The following C6 variants were observed in gnomAD, a reference collection of about 807,000 sequenced individuals.
C6 encodes complement C6.
In C6, 101 loss-of-function variants were observed where a neutral mutation model predicts 112.9. The observed-to-expected ratio is 0.89, with a 90% confidence interval of 0.76 to 1.06. C6 has a LOEUF of 1.06. C6 is among the 50% of genes least tolerant of loss of function. C6 has a pLI of 0.00. For synonymous variants in C6, 431 were observed against 384.1 expected, an observed-to-expected ratio of 1.12 and a Z score of -1.43; for missense variants, 1,202 against 1,104.6, an observed-to-expected ratio of 1.09 and a Z score of -1.25.
At chr5:41,257,380 C>T (rs928342540) in intron 1 of C6, among the ~76,000 whole-genome samples, 10 of 152,064 alleles carry the variant, frequency 6.6e-5, no homozygotes, top group African/African-American at 1.4e-4. Flanking sequence ...CATACCTTTC[C>T]GTGGTATATG....
intron 9 of C6, among the ~76,000 whole-genome samples, chr5:41,166,862 C>T (rs1286364938): frequency 6.6e-6 from 1 of 152,018 alleles, no homozygotes; most frequent in African/African-American, 2.4e-5. Flanking sequence ...TTCAAAATAG[C>T]TATTACATCT....
At chr5:41,158,517 A>G (rs1156855942) in intron 13 of C6, among the ~76,000 whole-genome samples, 157 bp downstream of exon 13, 1 of 152,216 alleles carries the variant, frequency 6.6e-6, no homozygotes, top group Non-Finnish European at 1.5e-5. Flanking sequence ...GAAATTCAAG[A>G]TGGAAGAGTG....
Position 41,149,331 on chromosome 5 carries a change from A to G in C6, c.2533T>C (p.Trp845Arg). ...GSCQDGRQLE[W>R]GLERTRLSSN... ...GAAAGTCTTGTCCTTTCAAGACCCC[A>G]TTCTAACTGGCGGCCGTCTTGGCAG... Residue 845 changes from tryptophan (W) to arginine (R), a missense_variant, in exon 17 of 18, where the codon TGG (tryptophan) becomes CGG (arginine). Coordinates refer to ENST00000337836, the MANE Select transcript of C6 (RefSeq NM_000065.5). 1 of 1,614,102 alleles carries G rather than the reference A, an allele frequency of 6.2e-7. No individual in the cohort carries two copies. Among genetic ancestry groups the G allele is most frequent in the Non-Finnish European group, 8.5e-7 (1 of 1,179,986 alleles).
chr5:41,149,780 G>A (rs563904643), intron 16 of C6, among the ~76,000 whole-genome samples, 155 bp downstream of exon 16: 12 of 152,268 alleles, frequency 7.9e-5, no homozygotes, highest in Middle Eastern at 3.4e-3. Context: ...TACCCAATGG[G>A]GAAGGAGGAA....
At chr5:41,221,994 A>T (rs1283824799) in intron 1 of C6, among the ~76,000 whole-genome samples, 1 of 151,868 alleles carries the variant, frequency 6.6e-6, no homozygotes, top group Non-Finnish European at 1.5e-5. Flanking sequence ...GTGAAACCCT[A>T]TCTCTACTAA....
At chr5:41,208,359 AT>A (rs1293939833) in intron 1 of C6, among the ~76,000 whole-genome samples, 1 of 152,228 alleles carries the variant, frequency 6.6e-6, no homozygotes, top group Middle Eastern at 3.2e-3. Context: ...AAGGCAAGAA[AT>A]AACTAAGATC....
At chr5:41,154,949 A>G in intron 14 of C6, 23 bp downstream of exon 14, 2 of 1,613,134 alleles carry the variant, frequency 1.2e-6, no homozygotes, top group Non-Finnish European at 1.7e-6. Flanking sequence ...GTAGTCAAGC[A>G]AAATTGTTTG....
intron 5 of C6, among the ~76,000 whole-genome samples, chr5:41,191,282 G>C (rs1170927679): frequency 6.6e-6 from 1 of 151,940 alleles, no homozygotes; most frequent in African/African-American, 2.4e-5. Flanking sequence ...GGCCAGACTT[G>C]TCTTGAACTC....
At chr5:41,241,826 T>C (rs1314948668) in intron 1 of C6, among the ~76,000 whole-genome samples, 1 of 152,192 alleles carries the variant, frequency 6.6e-6, no homozygotes, top group Non-Finnish European at 1.5e-5. Flanking sequence ...GGATGCTTAG[T>C]ACTTAGGTAG....
At position 41,160,363 on chromosome 5, in the gene C6, G is replaced by A. The variant is rs1747367892; in HGVS notation, c.1463C>T (p.Ala488Val). Residue 488 changes from alanine to valine, a missense_variant, in exon 11 of 18, where the codon GCC (alanine) becomes GTC (valine). Transcript: ENST00000337836. ...ENPAVIDFEL[A>V]PIVDLVRNIP... ...GTTTCTTACCAAGTCCACGATGGGG[G>A]CAAGCTAGGAGAAAATGGGAGAGAG... 6.2e-7 allele frequency: 1 copy of A among 1,613,112 alleles called. No homozygotes were observed. The highest frequency in any genetic ancestry group is 8.5e-7 in the Non-Finnish European group (1 of 1,179,204).
rs184641525 is a variant in C6 at position 41,150,039 on chromosome 5, A to G, written c.2291-14T>C. The G allele has an allele frequency of 3.9e-6, 6 of 1,539,016 alleles. No individual in the cohort carries two copies. Among genetic ancestry groups the G allele is most frequent in the African/African-American group, 2.7e-5 (2 of 73,576 alleles). The stretch of plus-strand genomic sequence containing the variant: ...TTGTTAGAGTATCTGAAACAAAAGA[A>G]AAAAGGAGAAAAGAACAGTGCACAG... On this transcript the variant is annotated splice_polypyrimidine_tract_variant and intron_variant, in intron 15 of 17. Transcript: ENST00000337836.
At chr5:41,218,749 A>AGTATTTCT (rs1738983229) in intron 1 of C6, among the ~76,000 whole-genome samples, 1 of 152,162 alleles carries the variant, frequency 6.6e-6, no homozygotes, top group African/African-American at 2.4e-5. Flanking sequence ...ATACTATTTA[A>AGTATTTCT]ACACAGTGTG....
intron 8 of C6, among the ~76,000 whole-genome samples, 191 bp downstream of exon 8, chr5:41,176,284 T>G (rs552201564): frequency 3.3e-5 from 5 of 152,314 alleles, no homozygotes; most frequent in African/African-American, 1.2e-4. Context: ...TTTTCTTTAT[T>G]TTTTGGTCTT....
chr5:41,171,535 A>G (rs987105311), intron 9 of C6, among the ~76,000 whole-genome samples: 1 of 152,188 alleles, frequency 6.6e-6, no homozygotes, highest in Non-Finnish European at 1.5e-5. Flanking sequence ...AGTGGACAGT[A>G]GATGTCTGGA....
At chr5:41,196,962 G>C (rs1750665641) in intron 4 of C6, among the ~76,000 whole-genome samples, 1 of 151,998 alleles carries the variant, frequency 6.6e-6, no homozygotes, top group Non-Finnish European at 1.5e-5. Flanking sequence ...AATGATGTTG[G>C]CATCTGTACC....
chr5:41,149,318 C>G lies in C6; in HGVS notation c.2546G>C (p.Arg849Thr). Residue 849 changes from arginine (R) to threonine (T), a missense_variant, in exon 17 of 18, where the codon AGG becomes ACG. Transcript: ENST00000337836. Reference sequence around the variant, plus strand: ...TGTGCTGTTGGATGAAAGTCTTGTCCTTTCAAGACCCCATTCTAACTGGCG... The same window carrying G: ...TGTGCTGTTGGATGAAAGTCTTGTCGTTTCAAGACCCCATTCTAACTGGCG... Reference protein sequence around the residue: ...DGRQLEWGLERTRLSSNSTKK... With the variant: ...DGRQLEWGLETTRLSSNSTKK... 1 of 1,614,042 alleles carries G rather than the reference C, an allele frequency of 6.2e-7. No individual in the cohort carries two copies. The highest frequency in any genetic ancestry group is 8.5e-7 in the Non-Finnish European group (1 of 1,179,942).
At chr5:41,256,162 C>A (rs1263338460) in intron 1 of C6, among the ~76,000 whole-genome samples, 1 of 151,932 alleles carries the variant, frequency 6.6e-6, no homozygotes, top group Non-Finnish European at 1.5e-5. Context: ...TGTATATGTG[C>A]CACATTTTCT....
At chr5:41,190,542 C>T (rs1430704937) in intron 5 of C6, among the ~76,000 whole-genome samples, 3 of 151,998 alleles carry the variant, frequency 2.0e-5, no homozygotes, top group Non-Finnish European at 4.4e-5. Context: ...TACTTTTTTC[C>T]ACTGTGTATG....
rs971507671 is a variant in C6 at position 41,223,867 on chromosome 5, AT to A, written c.-20-20618del. Among the ~76,000 whole-genome samples the A allele has an allele frequency of 1.4e-4, 21 of 152,206 alleles. 2 individuals carry two copies. Among genetic ancestry groups the A allele is most frequent in the Middle Eastern group, 3.4e-3 (1 of 292 alleles). Reference sequence around the variant, plus strand: ...AGGATCCAGCCCAAGATCATGTTCTATTTAGTTATCATATCTATCTCTTTAA... The same window carrying A: ...AGGATCCAGCCCAAGATCATGTTCTATTAGTTATCATATCTATCTCTTTAA... On this transcript the variant is annotated intron_variant, in intron 1 of 17. Coordinates refer to the C6 transcript ENST00000263413.
Sources: allele counts gnomAD v4.1 joint callset (sites outside exome capture counted in the v4.1 genomes callset), GRCh38; gene constraint gnomAD v4.1.1; transcripts MANE v1.5; gene names NCBI Gene and HGNC (gene_info 2026-07-23, HGNC 2026-07-21).